The following CACNA1D variants were observed in gnomAD, a reference collection of about 807,000 sequenced individuals.
The protein encoded by CACNA1D is calcium voltage-gated channel subunit alpha1 D.
A neutral mutation model predicts 257.1 loss-of-function variants in CACNA1D; 55 were observed. The ratio of observed to expected loss-of-function variants is 0.21; its 90% CI spans 0.17 to 0.27. CACNA1D has a LOEUF of 0.27. Ranked by LOEUF, CACNA1D falls within the 10% of genes least tolerant of loss-of-function variation. CACNA1D has a pLI of 1.00. For synonymous variants in CACNA1D, 980 were observed against 1,014.9 expected (o/e 0.97, Z 0.65); for missense variants, 1,876 against 2,784.0 (o/e 0.67, Z 7.34).
chr3:53,748,624 C>T (rs1041777556), intron 26 of CACNA1D, among the ~76,000 whole-genome samples: 6 of 152,164 alleles, frequency 3.9e-5, no homozygotes, highest in Non-Finnish European at 7.3e-5. Context: ...GTGACTGTGG[C>T]ACTTTGATAC....
At chr3:53,805,914 C>A (rs1361740790) in intron 45 of CACNA1D, among the ~76,000 whole-genome samples, 1 of 140,900 alleles carries the variant, frequency 7.1e-6, no homozygotes, top group Non-Finnish European at 1.6e-5. Flanking sequence ...CTCATCTTCT[C>A]CTGCTCCCTC....
intron 45 of CACNA1D, among the ~76,000 whole-genome samples, chr3:53,805,539 C>T (rs1392104651): frequency 1.3e-5 from 2 of 152,160 alleles, no homozygotes; most frequent in Admixed American, 1.3e-4. Flanking sequence ...GGTGACTGAG[C>T]CCCCAAAGGG....
chr3:53,555,458 G>GTTT, intron 3 of CACNA1D, among the ~76,000 whole-genome samples: 1 of 109,222 alleles, frequency 9.2e-6, no homozygotes, highest in South Asian at 2.5e-4. Flanking sequence ...GTGTGTGTGT[G>GTTT]TGTTTTTTTT....
rs2093382294 is a variant in CACNA1D at position 53,597,250 on chromosome 3, G to A, written c.484-53529G>A. Among the ~76,000 whole-genome samples, 4 of 152,308 alleles carry A rather than the reference G, an allele frequency of 2.6e-5. No individual in the cohort carries two copies. The South Asian group carries it at 8.3e-4, about 32-fold the overall frequency. On this transcript the variant is annotated intron_variant, in intron 3 of 47. Transcript: ENST00000350061. ...TGTCTTTTTGAAGCTTATCTTTAGG[G>A]AGACAGATGAGAAACCATAAGCATA...
At chr3:53,515,773 G>T (rs2091309061) in intron 3 of CACNA1D, among the ~76,000 whole-genome samples, 1 of 152,242 alleles carries the variant, frequency 6.6e-6, no homozygotes, top group African/African-American at 2.4e-5. Flanking sequence ...GTAAGATGGG[G>T]ATCATAGCAT....
intron 3 of CACNA1D, among the ~76,000 whole-genome samples, chr3:53,535,902 C>T (rs542825904): frequency 6.6e-4 from 101 of 151,986 alleles, no homozygotes; most frequent in Non-Finnish European, 1.0e-3. Context: ...TTAACCTTCC[C>T]GAGTGAAAAT....
Position 53,723,865 on chromosome 3 carries a change from C to T in CACNA1D, c.1966C>T (p.Leu656=). ...SMKSIASLLL[L]LFLFIIIFSL... ...GAAGTCCATCGCTTCGCTGTTGCTT[C>T]TGCTTTTTCTCTTCATTATCATCTT... is the stretch of plus-strand genomic sequence containing the variant. Residue 656 remains leucine, a synonymous_variant, in exon 14 of 48, where the codon CTG becomes TTG. Coordinates refer to ENST00000350061, the MANE Select transcript of CACNA1D (RefSeq NM_001128840.3). This position sits in a 1 kb window ranked among gnomAD's most constrained non-coding sequence, Gnocchi z 5.6. 9.3e-6 allele frequency: 15 copies of T among 1,614,182 alleles called. No individual in the cohort carries two copies. Among genetic ancestry groups the T allele is most frequent in the Non-Finnish European group, 1.2e-5 (14 of 1,180,022 alleles).
At chr3:53,662,938 C>T (rs1295609622) in intron 5 of CACNA1D, among the ~76,000 whole-genome samples, 2 of 152,188 alleles carry the variant, frequency 1.3e-5, no homozygotes, top group African/African-American at 4.8e-5. Flanking sequence ...TGATAGAAAC[C>T]TGGCCATGGG....
chr3:53,574,381 G>T (rs953091128), intron 3 of CACNA1D, among the ~76,000 whole-genome samples: 1 of 152,152 alleles, frequency 6.6e-6, no homozygotes, highest in Admixed American at 6.5e-5. Context: ...GCCTCCCTTG[G>T]TGTTCTCATC....
chr3:53,718,601 C>CCCCCCCCCCAAAA, intron 10 of CACNA1D: 1 of 1,103,198 alleles, frequency 9.1e-7, no homozygotes, highest in Non-Finnish European at 1.3e-6. Flanking sequence ...CCCCCCGGCC[C>CCCCCCCCCCAAAA]AGCATTTCAC....
intron 7 of CACNA1D, among the ~76,000 whole-genome samples, chr3:53,667,104 G>T (rs970441478): frequency 6.6e-6 from 1 of 152,022 alleles, no homozygotes; most frequent in Non-Finnish European, 1.5e-5. Context: ...CAAAACCTTA[G>T]CTGTCTTCCT....
chr3:53,512,211 T>A (rs937511973), intron 3 of CACNA1D, among the ~76,000 whole-genome samples: 2 of 152,204 alleles, frequency 1.3e-5, no homozygotes, highest in African/African-American at 4.8e-5. Context: ...TTTTCAGAAT[T>A]TTTATCTGGT....
chr3:53,577,687 T>G (rs1300489078), intron 3 of CACNA1D, among the ~76,000 whole-genome samples: 1 of 151,748 alleles, frequency 6.6e-6, no homozygotes, highest in African/African-American at 2.4e-5. Context: ...TTTACAACAG[T>G]GTGAGATTAC....
Position 53,780,023 on chromosome 3 carries a change from C to T in CACNA1D, c.4588-3C>T. On this transcript the variant is annotated splice_polypyrimidine_tract_variant and splice_region_variant and intron_variant, in intron 37 of 47. Transcript: ENST00000350061. ...ACAAAGAAACCTTCCTTTCTGTTTA[C>T]AGAGATTAGTTGCCATGAACATGCC... The T allele has an allele frequency of 6.2e-7, 1 of 1,602,308 alleles. No homozygotes were observed. The highest frequency in any genetic ancestry group is 8.6e-7 in the Non-Finnish European group (1 of 1,169,230).
intron 3 of CACNA1D, among the ~76,000 whole-genome samples, chr3:53,574,300 G>A (rs2092998712): frequency 6.6e-6 from 1 of 152,188 alleles, no homozygotes; most frequent in Non-Finnish European, 1.5e-5. Flanking sequence ...TCATGGGATG[G>A]TGTGAAAGGG....
At chr3:53,639,944 C>T (rs1315587326) in intron 3 of CACNA1D, among the ~76,000 whole-genome samples, 1 of 149,624 alleles carries the variant, frequency 6.7e-6, no homozygotes, top group Non-Finnish European at 1.5e-5. Flanking sequence ...TCACTGCAAC[C>T]TCTGCCTCCC....
At chr3:53,756,835 T>A (rs539813684) in intron 29 of CACNA1D, among the ~76,000 whole-genome samples, 40 of 152,306 alleles carry the variant, frequency 2.6e-4, no homozygotes, top group African/African-American at 8.2e-4. Context: ...CTTTGTGGGA[T>A]GTTACCCATC....
intron 16 of CACNA1D, among the ~76,000 whole-genome samples, chr3:53,730,816 G>T (rs1025892884): frequency 6.6e-6 from 1 of 152,220 alleles, no homozygotes; most frequent in African/African-American, 2.4e-5. Flanking sequence ...GTTAATTTTG[G>T]TGTCATAAAA....
At chr3:53,573,725 G>A (rs979001583) in intron 3 of CACNA1D, among the ~76,000 whole-genome samples, 7 of 152,130 alleles carry the variant, frequency 4.6e-5, no homozygotes, top group Non-Finnish European at 5.9e-5. Flanking sequence ...ATAGCTCTGG[G>A]CACACAGGCA....
Sources: allele counts gnomAD v4.1 joint callset (sites outside exome capture counted in the v4.1 genomes callset), GRCh38; gene constraint gnomAD v4.1.1; non-coding constraint Gnocchi (gnomAD v3.1); transcripts MANE v1.5; gene names NCBI Gene and HGNC (gene_info 2026-07-23, HGNC 2026-07-21).